PCDH11X: variants seen among roughly 807,000 people sequenced by gnomAD.
The protein encoded by PCDH11X is protocadherin-11 X-linked.
Under a neutral mutation model 53.3 loss-of-function variants are expected in PCDH11X, and 18 were observed. That is an observed-to-expected ratio of 0.34 (90% CI 0.23 to 0.50). PCDH11X has a LOEUF of 0.50. Among genes scored for constraint, PCDH11X ranks in the 20% least tolerant of loss-of-function variants. PCDH11X has a pLI of 0.98. For missense variants in PCDH11X, 570 were observed against 1,032.4 expected, an observed-to-expected ratio of 0.55 and a Z score of 6.14; for synonymous variants, 279 against 393.3, an observed-to-expected ratio of 0.71 and a Z score of 3.44.
At chrX:92,607,661 C>A (rs994282483) in intron 10 of PCDH11X, among the ~76,000 whole-genome samples, 1 of 111,595 alleles carries the variant, frequency 9.0e-6, no homozygotes, top group African/African-American at 3.3e-5. Context: ...TAAATTATAT[C>A]ATTTTCCAGT....
At chrX:92,087,252 G>A (rs1323194385) in intron 6 of PCDH11X, among the ~76,000 whole-genome samples, 7 of 108,306 alleles carry the variant, frequency 6.5e-5, no homozygotes, top group Non-Finnish European at 1.3e-4. Flanking sequence ...GCACCACCAC[G>A]CCTGGCTAAT....
chrX:92,525,924 C>T (rs954494710), intron 10 of PCDH11X, among the ~76,000 whole-genome samples: 8 of 111,063 alleles, frequency 7.2e-5, no homozygotes, highest in African/African-American at 2.6e-4. Context: ...CGGAGTGCTA[C>T]CGGGTGACCT....
rs1327824774 is a variant in PCDH11X at position 92,518,751 on chromosome X, T to A, written c.3367+50429T>A. 1.0e-4 allele frequency among the ~76,000 whole-genome samples: 3 copies of A among 28,927 alleles called. No individual in the cohort carries two copies. The East Asian group carries it at 3.3e-3, about 32-fold the overall frequency. The allele number at this position is 28,927 out of a possible 115,157, so 25.1% of individuals were successfully genotyped here. A position where few individuals can be genotyped will look rare whatever the true frequency, so the allele number is the denominator to read the frequency against. On this transcript the variant is annotated intron_variant, in intron 10 of 10. Coordinates refer to ENST00000682573, the MANE Select transcript of PCDH11X (RefSeq NM_032968.5). ...TTCACTATGGCTTACCAATAAAATT[T>A]TTTTTTTTTTTTTTTTTTTTTTTGA... is the stretch of plus-strand genomic sequence containing the variant.
At chrX:92,073,870 G>A (rs1405087724) in intron 6 of PCDH11X, among the ~76,000 whole-genome samples, 1 of 111,974 alleles carries the variant, frequency 8.9e-6, no homozygotes, top group Non-Finnish European at 1.9e-5. Flanking sequence ...TGTAGCAGGT[G>A]AATCTGATTT....
intron 6 of PCDH11X, chrX:91,879,745 G>A (rs1366644684): frequency 5.2e-6 from 4 of 771,533 alleles, no homozygotes; most frequent in Admixed American, 7.5e-5. Flanking sequence ...TCAGCACCAA[G>A]TTATTCCCCC....
chrX:92,175,756 A>ATGTGTGTGTG (rs751094829), intron 6 of PCDH11X, among the ~76,000 whole-genome samples: 11,784 of 70,488 alleles, frequency 0.17, 1,018 homozygotes, highest in Admixed American at 0.25. Context: ...GTATACATAT[A>ATGTGTGTGTG]TGTGTGTGTG....
intron 6 of PCDH11X, among the ~76,000 whole-genome samples, chrX:92,162,827 G>T (rs1017222998): frequency 9.4e-6 from 1 of 106,415 alleles, no homozygotes; most frequent in African/African-American, 3.4e-5. Flanking sequence ...CCAGGAGGTG[G>T]TGCTTTCAAG....
chrX:92,126,364 A>G (rs1320855482), intron 6 of PCDH11X, among the ~76,000 whole-genome samples: 1 of 110,564 alleles, frequency 9.0e-6, no homozygotes, highest in Non-Finnish European at 1.9e-5. Flanking sequence ...TAATCCCAGC[A>G]CTTTGGGAGG....
chrX:91,785,828 A>T (rs1245098584), intron 1 of PCDH11X, among the ~76,000 whole-genome samples: 1 of 110,624 alleles, frequency 9.0e-6, no homozygotes, highest in African/African-American at 3.3e-5. Context: ...ATCATCTCTA[A>T]AATGTGGTTA....
At chrX:92,358,022 C>T (rs77036609) in intron 8 of PCDH11X, among the ~76,000 whole-genome samples, 9 of 109,093 alleles carry the variant, frequency 8.2e-5, no homozygotes, top group African/African-American at 1.0e-4. Flanking sequence ...TAATTGGTGA[C>T]GTCTATGGGG....
chrX:92,343,789 A>G (rs1256774927), intron 8 of PCDH11X, among the ~76,000 whole-genome samples: 1 of 111,307 alleles, frequency 9.0e-6, no homozygotes, highest in Non-Finnish European at 1.9e-5. Flanking sequence ...ATTCAATGCT[A>G]TTTTTGGACA....
At chrX:92,243,286 G>C (rs1040258346) in intron 7 of PCDH11X, among the ~76,000 whole-genome samples, 1 of 111,737 alleles carries the variant, frequency 8.9e-6, no homozygotes, top group African/African-American at 3.2e-5. Context: ...TTTGTGTAAA[G>C]TATGAAGTTT....
chrX:92,416,396 C>T (rs190641149), intron 9 of PCDH11X, among the ~76,000 whole-genome samples: 1 of 110,870 alleles, frequency 9.0e-6, no homozygotes, highest in Non-Finnish European at 1.9e-5. Flanking sequence ...AATTATTTCA[C>T]ATTGCATGCC....
chrX:91,989,507 G>A (rs1345091834), intron 6 of PCDH11X, among the ~76,000 whole-genome samples: 15 of 109,991 alleles, frequency 1.4e-4, no homozygotes, highest in South Asian at 3.9e-4. Flanking sequence ...AGCTTGCAGT[G>A]AGCCCAGATC....
chrX:92,395,548 A>G (rs2071224678), intron 9 of PCDH11X, among the ~76,000 whole-genome samples: 4 of 110,693 alleles, frequency 3.6e-5, no homozygotes, highest in African/African-American at 9.8e-5. Context: ...TAATGAAGGG[A>G]TTATACGAAT....
In PCDH11X at chrX:92,426,910, T is replaced by C. The variant is rs370697623; in HGVS notation, c.3343+38977T>C. 5.1e-4 allele frequency among the ~76,000 whole-genome samples: 57 copies of C among 110,786 alleles called. 1 individual carries two copies. In the South Asian group the frequency reaches 0.021, roughly 40 times the overall value. The stretch of plus-strand genomic sequence containing the variant: ...AAGGTAGCCCAACTAATTTGGACAA[T>C]GTTTGGTATTCTGTGGTGTTCAGTA... On this transcript the variant is annotated intron_variant, in intron 9 of 10. Coordinates refer to ENST00000682573, the MANE Select transcript of PCDH11X (RefSeq NM_032968.5).
At chrX:91,917,904 A>G (rs970842086) in intron 6 of PCDH11X, among the ~76,000 whole-genome samples, 2 of 105,978 alleles carry the variant, frequency 1.9e-5, no homozygotes, top group Non-Finnish European at 3.9e-5. Flanking sequence ...ACTTGGAGGC[A>G]TCACATTACT....
At chrX:92,453,345 T>C (rs1175377065) in intron 9 of PCDH11X, among the ~76,000 whole-genome samples, 1 of 111,280 alleles carries the variant, frequency 9.0e-6, no homozygotes, top group African/African-American at 3.3e-5. Context: ...CTAAATTTCA[T>C]CCGAATTAAT....
At chrX:92,254,665 G>C (rs1373539635) in intron 7 of PCDH11X, among the ~76,000 whole-genome samples, 2 of 108,273 alleles carry the variant, frequency 1.8e-5, no homozygotes, top group African/African-American at 3.4e-5. Context: ...GCATTTGCTT[G>C]TCTGTAAAGT....
Sources: gnomAD v4.1 joint callset for allele counts (sites outside exome capture counted in the v4.1 genomes callset) on GRCh38, gnomAD v4.1.1 for gene constraint, MANE v1.5 for transcripts, NCBI Gene and HGNC (gene_info 2026-07-23, HGNC 2026-07-21) for gene names.